Variants in TTC7A observed in about 807,000 individuals in gnomAD.
TTC7A encodes the protein tetratricopeptide repeat domain 7A, also known as tetratricopeptide repeat protein 7A.
TTC7A carries 110 observed loss-of-function variants against 103.7 expected under a neutral mutation model. The ratio of observed to expected loss-of-function variants is 1.06; its 90% CI spans 0.91 to 1.24. The LOEUF (loss-of-function observed/expected upper bound fraction) is 1.24. Ranked by LOEUF, TTC7A falls within the 50% of genes most tolerant of loss-of-function variation. TTC7A has a pLI of 0.00. For synonymous variants in TTC7A, 521 were observed against 467.9 expected, an observed-to-expected ratio of 1.11 and a Z score of -1.47; for missense variants, 1,340 against 1,116.3, an observed-to-expected ratio of 1.20 and a Z score of -2.86.
chr2:47,006,615 A>T, intron 9 of TTC7A, 26 bp from the exon 10 acceptor site: 1 of 1,603,924 alleles, frequency 6.2e-7, no homozygotes, highest in Non-Finnish European at 8.5e-7. Context: ...CCTGGTGGGT[A>T]AATGCTGACT....
intron 13 of TTC7A, among the ~76,000 whole-genome samples, chr2:47,023,785 A>G (rs534618060): frequency 3.9e-4 from 59 of 152,252 alleles, no homozygotes; most frequent in African/African-American, 1.2e-3. Context: ...CACCTTGCAC[A>G]GTATCCTATG....
chr2:47,073,485 G>A (rs371484079), intron 19 of TTC7A, among the ~76,000 whole-genome samples: 9 of 152,292 alleles, frequency 5.9e-5, no homozygotes, highest in South Asian at 2.1e-4. Flanking sequence ...CCTGCAGTGG[G>A]TTTCCCAGGA....
chr2:46,970,338 A>T (rs751936195), intron 3 of TTC7A, among the ~76,000 whole-genome samples: 1 of 152,174 alleles, frequency 6.6e-6, no homozygotes, highest in African/African-American at 2.4e-5. Context: ...GAGAAGCATG[A>T]TGGGGAGGCC....
At chr2:46,995,003 C>G (rs770789389) in intron 7 of TTC7A, 133 bp from the exon 8 acceptor site, 14 of 780,790 alleles carry the variant, frequency 1.8e-5, no homozygotes, top group Non-Finnish European at 2.6e-5. Flanking sequence ...TATCCGGTGC[C>G]CATGAATTAT....
At chr2:46,917,405 C>T (rs914287998) in intron 2 of TTC7A, 1 of 567,562 alleles carries the variant, frequency 1.8e-6, no homozygotes, top group Non-Finnish European at 3.1e-6. Flanking sequence ...TACCCTGCAT[C>T]TGCCATTCAT....
intron 11 of TTC7A, among the ~76,000 whole-genome samples, chr2:47,013,676 G>T (rs754870811): frequency 6.6e-6 from 1 of 152,206 alleles, no homozygotes; most frequent in African/African-American, 2.4e-5. Context: ...CAGTAATTAT[G>T]TGCATTCAGA....
chr2:46,937,756 C>G (rs565804397), upstream of TTC7A, among the ~76,000 whole-genome samples: 1 of 152,292 alleles, frequency 6.6e-6, no homozygotes, highest in East Asian at 1.9e-4. The surrounding 1 kb of genome is among the most constrained non-coding windows in gnomAD (Gnocchi z 4.0). Context: ...ATTTCAAAGG[C>G]CATGGATTGC....
intron 3 of TTC7A, among the ~76,000 whole-genome samples, chr2:46,960,320 T>C (rs1161568726): frequency 6.6e-6 from 1 of 152,176 alleles, no homozygotes; most frequent in Non-Finnish European, 1.5e-5. Context: ...GGACAGAGCC[T>C]CCCCTGCCTG....
intron 19 of TTC7A, chr2:47,067,863 G>A (rs911102109): frequency 6.6e-6 from 1 of 152,120 alleles, no homozygotes; most frequent in African/African-American, 2.4e-5. Context: ...TTGGTTCTCG[G>A]GGGGGAGTGG....
intron 8 of TTC7A, among the ~76,000 whole-genome samples, chr2:47,004,340 C>T (rs774419739): frequency 7.2e-5 from 11 of 152,266 alleles, no homozygotes; most frequent in South Asian, 2.1e-4. Context: ...TCCAGCCCTG[C>T]GCTGCAGGAC....
Position 46,956,844 on chromosome 2 carries a change from G to A in TTC7A, c.354G>A (p.Gln118=), listed in dbSNP as rs1365484954. The change falls in exon 3 of 20, where the codon CAG becomes CAA. Residue 118 remains glutamine (Q), a synonymous_variant. Coordinates refer to ENST00000319190, the MANE Select transcript of TTC7A (RefSeq NM_020458.4). The part of the protein sequence containing the change: ...SILNHGRLSP[Q]YMCEAMLILG... The stretch of plus-strand genomic sequence containing the variant: ...ACATGTCCTTGTCATTTCAGCCACA[G>A]TACATGTGTGAGGCCATGCTGATCC... 1 of 1,614,194 alleles carries A rather than the reference G, an allele frequency of 6.2e-7. No individual in the cohort carries two copies. The highest frequency in any genetic ancestry group is 1.1e-5 in the South Asian group (1 of 91,086).
At chr2:47,032,339 G>A (rs967366292) in intron 15 of TTC7A, among the ~76,000 whole-genome samples, 1 of 152,238 alleles carries the variant, frequency 6.6e-6, no homozygotes, top group African/African-American at 2.4e-5. Context: ...TTGTCAATGT[G>A]CAGAGTAACT....
chr2:47,001,365 G>T (rs1314832977), intron 8 of TTC7A, among the ~76,000 whole-genome samples: 1 of 152,198 alleles, frequency 6.6e-6, no homozygotes, highest in Non-Finnish European at 1.5e-5. Flanking sequence ...CAGGCAAGCA[G>T]CAGCAGTCCC....
In TTC7A at chr2:47,029,268, C is replaced by T. The variant is rs1680257205; in HGVS notation, c.1686C>T (p.Arg562=). ...MEQLQEALKV[R]KDDAHALHLL... is the part of the protein sequence containing the mutation. Reference sequence around the variant, plus strand: ...AGCTGCAGGAGGCCCTGAAGGTACGCAAGGATGATGCCCACGCCCTCCACC... The same window carrying T: ...AGCTGCAGGAGGCCCTGAAGGTACGTAAGGATGATGCCCACGCCCTCCACC... The change falls in exon 15 of 20, where the codon CGC becomes CGT. Residue 562 remains arginine, a synonymous_variant. Coordinates refer to ENST00000319190, the MANE Select transcript of TTC7A (RefSeq NM_020458.4). 1 of 1,614,026 alleles carries T rather than the reference C, an allele frequency of 6.2e-7. No individual in the cohort carries two copies.
intron 3 of TTC7A, among the ~76,000 whole-genome samples, chr2:46,964,047 G>A (rs1672617149): frequency 1.3e-5 from 2 of 152,228 alleles, no homozygotes; most frequent in Admixed American, 6.5e-5. Flanking sequence ...AGCGCAGGCA[G>A]AAATGATTCA....
chr2:46,976,528 A>G (rs1303008831), intron 4 of TTC7A, among the ~76,000 whole-genome samples: 4 of 152,234 alleles, frequency 2.6e-5, no homozygotes, highest in African/African-American at 4.8e-5. Flanking sequence ...TCCTTGGCAG[A>G]TGCCAAAATG....
chr2:47,023,603 G>A, intron 13 of TTC7A, 138 bp downstream of exon 13: 2 of 948,460 alleles, frequency 2.1e-6, no homozygotes, highest in Middle Eastern at 2.3e-4. Context: ...ACTGCACACA[G>A]CAAGCAGGGA....
chr2:47,043,236 G>C (rs1681956133), intron 15 of TTC7A, among the ~76,000 whole-genome samples: 1 of 152,236 alleles, frequency 6.6e-6, no homozygotes, highest in South Asian at 2.1e-4. Flanking sequence ...CCTGTTGGAA[G>C]TGGGAGAAAG....
At chr2:46,939,754 C>T (rs950427473), upstream of TTC7A, among the ~76,000 whole-genome samples, 5 of 152,194 alleles carry the variant, frequency 3.3e-5, no homozygotes, top group South Asian at 2.1e-4. Context: ...CTAATCCAAC[C>T]GCTCTCTCCA....
Sources: gnomAD v4.1 joint callset for allele counts (sites outside exome capture counted in the v4.1 genomes callset) on GRCh38, gnomAD v4.1.1 for gene constraint, Gnocchi (gnomAD v3.1) non-coding constraint, MANE v1.5 for transcripts, NCBI Gene and HGNC (gene_info 2026-07-23, HGNC 2026-07-21) for gene names.